NEGR1: variants seen among roughly 807,000 people sequenced by gnomAD.
NEGR1 encodes neuronal growth regulator 1.
NEGR1 carries 10 observed loss-of-function variants against 40.9 expected under a neutral mutation model. The ratio of observed to expected loss-of-function variants is 0.24; its 90% confidence interval spans 0.15 to 0.42. NEGR1 has a LOEUF of 0.42. NEGR1 is among the 10% of genes least tolerant of loss of function. The pLI is 1.00. For missense variants in NEGR1, 352 were observed against 438.9 expected (o/e 0.80, Z 1.77); for synonymous variants, 185 against 166.8 (o/e 1.11, Z -0.84).
At chr1:72,042,105 C>T (rs1318928324) in intron 1 of NEGR1, among the ~76,000 whole-genome samples, 1 of 150,914 alleles carries the variant, frequency 6.6e-6, no homozygotes, top group Non-Finnish European at 1.5e-5. Flanking sequence ...ATAAAAGAAC[C>T]TTCAACATTA....
chr1:72,059,956 C>A (rs1647150786), intron 1 of NEGR1, among the ~76,000 whole-genome samples: 1 of 151,538 alleles, frequency 6.6e-6, no homozygotes. Flanking sequence ...ACCAAATGCC[C>A]CTCCATGACA....
chr1:71,982,400 A>G (rs1646361627), intron 1 of NEGR1, among the ~76,000 whole-genome samples: 1 of 152,196 alleles, frequency 6.6e-6, no homozygotes, highest in African/African-American at 2.4e-5. Context: ...AGCACAGTGG[A>G]CACAGCATCT....
intron 2 of NEGR1, among the ~76,000 whole-genome samples, chr1:71,787,721 A>G (rs1557652492): frequency 6.6e-6 from 1 of 152,344 alleles, no homozygotes; most frequent in South Asian, 2.1e-4. Context: ...TTATGAAAGT[A>G]AAGAGTGCCT....
intron 1 of NEGR1, among the ~76,000 whole-genome samples, chr1:72,215,159 C>T (rs951571960): frequency 6.6e-6 from 1 of 151,972 alleles, no homozygotes; most frequent in African/African-American, 2.4e-5. Flanking sequence ...ACTGGCTAGC[C>T]ATATGCAGAA....
chr1:71,439,892 A>G (rs1199849783), intron 6 of NEGR1: 3 of 151,896 alleles, frequency 2.0e-5, no homozygotes, highest in Non-Finnish European at 4.4e-5. Context: ...ATATAAATAA[A>G]TTTTGGTCTG....
At chr1:72,026,995 G>T (rs1646816535) in intron 1 of NEGR1, among the ~76,000 whole-genome samples, 1 of 151,884 alleles carries the variant, frequency 6.6e-6, no homozygotes. Context: ...GCGCGATCTG[G>T]GCTCACTGCA....
intron 2 of NEGR1, among the ~76,000 whole-genome samples, chr1:71,851,530 T>A (rs902069976): frequency 3.3e-5 from 5 of 152,168 alleles, no homozygotes; most frequent in Admixed American, 6.6e-5. Flanking sequence ...TCAACACAAT[T>A]TTATAAGCTC....
At chr1:72,126,088 A>AGTGTGTGT (rs72096511) in intron 1 of NEGR1, among the ~76,000 whole-genome samples, 15,556 of 128,950 alleles carry the variant, frequency 0.12, 1,095 homozygotes, top group Admixed American at 0.18. Flanking sequence ...ATTAGAGAAA[A>AGTGTGTGT]GTATGTGTGT....
intron 2 of NEGR1, among the ~76,000 whole-genome samples, chr1:71,850,539 A>G (rs1173662721): frequency 1.3e-5 from 2 of 152,162 alleles, no homozygotes; most frequent in African/African-American, 4.8e-5. Context: ...TTTATGCTTT[A>G]CAAATTAAAA....
At chr1:72,176,186 G>A (rs1179637702) in intron 1 of NEGR1, among the ~76,000 whole-genome samples, 1 of 151,962 alleles carries the variant, frequency 6.6e-6, no homozygotes, top group East Asian at 1.9e-4. Context: ...TTCTAGCAAT[G>A]GTATGTAGAA....
intron 1 of NEGR1, among the ~76,000 whole-genome samples, chr1:71,936,288 C>G (rs1387111417): frequency 6.6e-6 from 1 of 152,040 alleles, no homozygotes; most frequent in African/African-American, 2.4e-5. Context: ...TTGATCAATA[C>G]TTTTTTATAA....
intron 3 of NEGR1, among the ~76,000 whole-genome samples, chr1:71,769,416 A>T (rs1030471876): frequency 6.6e-6 from 1 of 152,126 alleles, no homozygotes; most frequent in African/African-American, 2.4e-5. Context: ...GGTTAATATG[A>T]CTTGGCTGTG....
At chr1:72,104,322 T>C (rs1021701913) in intron 1 of NEGR1, among the ~76,000 whole-genome samples, 5 of 152,140 alleles carry the variant, frequency 3.3e-5, no homozygotes, top group African/African-American at 1.2e-4. Context: ...TAAAAGTTTT[T>C]ATAAGATAAA....
At position 72,014,820 on chromosome 1, in the gene NEGR1, C is replaced by T. The variant is rs1445755991; in HGVS notation, c.177-79509G>A. Among the ~76,000 whole-genome samples, 4 of 151,926 alleles carry T rather than the reference C, an allele frequency of 2.6e-5. No homozygotes were observed. The South Asian group carries it at 6.2e-4, about 24-fold the overall frequency. On this transcript the variant is annotated intron_variant, in intron 1 of 6. Coordinates refer to ENST00000357731, the MANE Select transcript of NEGR1 (RefSeq NM_173808.3). ...CCAGAAATACCTACTATTTATTTAT[C>T]CACAAACAAAGATGGTCTTCAATGT...
chr1:71,940,212 AAT>A (rs1645946300), intron 1 of NEGR1, among the ~76,000 whole-genome samples: 1 of 152,190 alleles, frequency 6.6e-6, no homozygotes, highest in Non-Finnish European at 1.5e-5. Context: ...GTCCCTTTGA[AAT>A]ATAGACAATG....
intron 6 of NEGR1, among the ~76,000 whole-genome samples, chr1:71,491,272 T>G (rs1286609531): frequency 6.6e-6 from 1 of 152,058 alleles, no homozygotes; most frequent in Non-Finnish European, 1.5e-5. Context: ...ACAGGTTATA[T>G]GGAAATACTA....
chr1:71,996,832 A>G (rs548628887), intron 1 of NEGR1, among the ~76,000 whole-genome samples: 25 of 152,158 alleles, frequency 1.6e-4, no homozygotes, highest in African/African-American at 5.5e-4. Flanking sequence ...ATTCTGAGTA[A>G]GGTGCTTTCT....
chr1:72,242,472 A>G (rs1654777282), intron 1 of NEGR1, among the ~76,000 whole-genome samples: 1 of 151,566 alleles, frequency 6.6e-6, no homozygotes, highest in Non-Finnish European at 1.5e-5. Context: ...ATGCATAGCG[A>G]CTCAATAAAT....
chr1:71,478,578 G>C (rs1646836105), intron 6 of NEGR1, among the ~76,000 whole-genome samples: 1 of 151,956 alleles, frequency 6.6e-6, no homozygotes, highest in Non-Finnish European at 1.5e-5. Context: ...GTTTGGGTAG[G>C]AATGGTCCCC....
Sources: gnomAD v4.1 joint callset for allele counts (sites outside exome capture counted in the v4.1 genomes callset) on GRCh38, gnomAD v4.1.1 for gene constraint, MANE v1.5 for transcripts, NCBI Gene and HGNC (gene_info 2026-07-23, HGNC 2026-07-21) for gene names.